Variants in ACTR3C observed in about 807,000 individuals in gnomAD.
ACTR3C encodes the protein actin-related protein 3C.
ACTR3C carries 18 observed loss-of-function variants against 26.3 expected under a neutral mutation model. The ratio of observed to expected loss-of-function variants is 0.68; its 90% CI spans 0.47 to 1.01. The LOEUF is 1.01. ACTR3C is among the 50% of genes least tolerant of loss of function. The pLI, the probability that ACTR3C is intolerant of heterozygous loss-of-function variation, is 0.00. For synonymous variants in ACTR3C, 55 were observed against 94.5 expected (o/e 0.58, Z 2.42); for missense variants, 184 against 250.7 (o/e 0.73, Z 1.80).
chr7:150,179,216 C>T, the ACTR3C span, among the ~76,000 whole-genome samples: 6 of 143,090 alleles, frequency 4.2e-5, no homozygotes, highest in African/African-American at 1.5e-4. Flanking sequence ...GTTCTCTTTC[C>T]TTTTATAAAA....
At chr7:150,026,415 C>T in the ACTR3C span, among the ~76,000 whole-genome samples, 5 of 152,216 alleles carry the variant, frequency 3.3e-5, no homozygotes, top group Admixed American at 1.3e-4. Flanking sequence ...TCTCAGGCCT[C>T]TATTATTTCA....
chr7:150,019,861 A>T, the ACTR3C span, among the ~76,000 whole-genome samples: 1 of 151,988 alleles, frequency 6.6e-6, no homozygotes, highest in African/African-American at 2.4e-5. Context: ...AATCCACAGA[A>T]CTATAAATAA....
At chr7:149,994,372 C>T in the ACTR3C span, among the ~76,000 whole-genome samples, 7 of 151,896 alleles carry the variant, frequency 4.6e-5, no homozygotes, top group East Asian at 1.9e-4. Context: ...CTGAGGCGGG[C>T]GGATCACCTG....
the ACTR3C span, chr7:150,001,518 A>T: frequency 0.097 from 13,870 of 143,634 alleles, no homozygotes; most frequent in East Asian, 0.25. Context: ...CGACAAGCTT[A>T]CAGGTGTGAA....
chr7:149,918,450 G>A, the ACTR3C span, among the ~76,000 whole-genome samples: 1 of 152,218 alleles, frequency 6.6e-6, no homozygotes, highest in Non-Finnish European at 1.5e-5. Context: ...CAACACTTCG[G>A]GAGGCCGAGG....
At chr7:150,180,506 T>C in the ACTR3C span, among the ~76,000 whole-genome samples, 1 of 143,098 alleles carries the variant, frequency 7.0e-6, no homozygotes, top group African/African-American at 2.9e-5. Context: ...AAAATAGTAG[T>C]ATATCTTTTT....
the ACTR3C span, among the ~76,000 whole-genome samples, chr7:150,119,872 A>C: frequency 6.6e-6 from 1 of 152,246 alleles, no homozygotes; most frequent in Non-Finnish European, 1.5e-5. Context: ...AACGGAAATT[A>C]AAGCGAACAG....
At chr7:150,112,395 C>G in the ACTR3C span, among the ~76,000 whole-genome samples, 7 of 152,226 alleles carry the variant, frequency 4.6e-5, no homozygotes, top group African/African-American at 1.7e-4. Context: ...GGCACACACA[C>G]GTCACCACAC....
the ACTR3C span, among the ~76,000 whole-genome samples, chr7:150,203,872 C>T: frequency 5.9e-5 from 9 of 152,208 alleles, no homozygotes; most frequent in East Asian, 5.8e-4. Flanking sequence ...ACACCCGGCC[C>T]GGGCACCAAA....
At chr7:150,158,755 T>G in the ACTR3C span, among the ~76,000 whole-genome samples, 5 of 152,140 alleles carry the variant, frequency 3.3e-5, no homozygotes, top group Non-Finnish European at 7.4e-5. Context: ...TACTTGGAAT[T>G]TGCTGAGAGC....
the ACTR3C span, among the ~76,000 whole-genome samples, chr7:149,902,535 C>T: frequency 7.9e-6 from 1 of 126,338 alleles, no homozygotes; most frequent in Admixed American, 9.1e-5. Flanking sequence ...GCAGGAGGAT[C>T]ACTTGAGGCC....
chr7:150,098,753 A>T, the ACTR3C span, among the ~76,000 whole-genome samples: 1 of 151,928 alleles, frequency 6.6e-6, no homozygotes, highest in East Asian at 1.9e-4. Context: ...CCGTGGTAAC[A>T]TCTGCACAGC....
chr7:150,080,517 TTGTGTGTGTATGTGTGTGTG>T, the ACTR3C span, among the ~76,000 whole-genome samples: 1 of 148,870 alleles, frequency 6.7e-6, no homozygotes, highest in Non-Finnish European at 1.5e-5. Context: ...GTATGAGTGT[TTGTGTGTGTATGTGTGTGTG>T]TGTGTGTGTG....
At chr7:150,053,978 G>C in the ACTR3C span, among the ~76,000 whole-genome samples, 1 of 152,198 alleles carries the variant, frequency 6.6e-6, no homozygotes. Context: ...TTGGCCCCCA[G>C]GTCCAAGTAC....
the ACTR3C span, among the ~76,000 whole-genome samples, chr7:149,966,146 G>A: frequency 2.6e-3 from 396 of 151,542 alleles, no homozygotes; most frequent in African/African-American, 9.3e-3. Context: ...TTATTTTTTT[G>A]TATTGTGGAG....
At chr7:150,251,217 G>C (rs60857548) in intron 6 of ACTR3C, among the ~76,000 whole-genome samples, 4,252 of 152,182 alleles carry the variant, frequency 0.028, 186 homozygotes, top group African/African-American at 0.097. Flanking sequence ...GTCGTTTATT[G>C]TCCCTAACTC....
chr7:150,009,384 C>T, the ACTR3C span, among the ~76,000 whole-genome samples: 3 of 152,192 alleles, frequency 2.0e-5, no homozygotes, highest in Admixed American at 6.5e-5. Context: ...AGTGAACACC[C>T]GATGAAATTT....
At chr7:150,255,242 A>ATTT (rs745713614) in intron 6 of ACTR3C, among the ~76,000 whole-genome samples, 7 of 85,596 alleles carry the variant, frequency 8.2e-5, no homozygotes, top group African/African-American at 2.2e-4. Context: ...TTTGTAGGGG[A>ATTT]TTTTTTTTTT....
At chr7:150,070,511 T>C in the ACTR3C span, among the ~76,000 whole-genome samples, 1 of 152,154 alleles carries the variant, frequency 6.6e-6, no homozygotes, top group African/African-American at 2.4e-5. Flanking sequence ...AGTGCGGTGG[T>C]ACTAACATGG....
Sources: allele counts gnomAD v4.1 joint callset (sites outside exome capture counted in the v4.1 genomes callset), GRCh38; gene constraint gnomAD v4.1.1; transcripts MANE v1.5; gene names NCBI Gene and HGNC (gene_info 2026-07-23, HGNC 2026-07-21).